The following PHF21A variants were observed in gnomAD, a reference collection of about 807,000 sequenced individuals.
PHF21A encodes the protein PHD finger protein 21A.
A neutral mutation model predicts 82.5 loss-of-function variants in PHF21A; 11 were observed. The ratio of observed to expected loss-of-function variants is 0.13; its 90% CI spans 0.08 to 0.22. The LOEUF (loss-of-function observed/expected upper bound fraction) is 0.22. Among genes scored for constraint, PHF21A ranks in the 10% least tolerant of loss-of-function variants. The pLI, the probability that PHF21A is intolerant of heterozygous loss-of-function variation, is 1.00. For missense variants in PHF21A, 579 were observed against 837.8 expected (o/e 0.69, Z 3.81); for synonymous variants, 297 against 302.8 (o/e 0.98, Z 0.20).
intron 3 of PHF21A, among the ~76,000 whole-genome samples, 171 bp from the exon 4 acceptor site, chr11:46,084,473 C>A (rs1254364089): frequency 6.6e-6 from 1 of 151,904 alleles, no homozygotes; most frequent in Non-Finnish European, 1.5e-5. Context: ...CTCTAAAGAA[C>A]ACTTCAAATA....
At chr11:46,001,463 C>T (rs2095128965) in intron 6 of PHF21A, among the ~76,000 whole-genome samples, 1 of 151,852 alleles carries the variant, frequency 6.6e-6, no homozygotes, top group Non-Finnish European at 1.5e-5. Context: ...AAATAAATAA[C>T]AAGACTAACA....
At chr11:45,954,687 C>T (rs2092493297) in intron 10 of PHF21A, among the ~76,000 whole-genome samples, 2 of 152,066 alleles carry the variant, frequency 1.3e-5, no homozygotes, top group African/African-American at 2.4e-5. Context: ...TGAAGCTCTC[C>T]GTAAATACTG....
At chr11:45,972,872 C>T (rs1410647591) in intron 7 of PHF21A, among the ~76,000 whole-genome samples, 1 of 151,880 alleles carries the variant, frequency 6.6e-6, no homozygotes, top group Non-Finnish European at 1.5e-5. Flanking sequence ...AGAAATTGTG[C>T]CACTGCACTC....
rs1471054426 is a variant in PHF21A, at chr11:46,121,204, G to A, written c.-506C>T. On this transcript the variant is annotated 5_prime_UTR_variant, in exon 1 of 19. Transcript: ENST00000676320. ...TCACTCTCTCTCTCTCTCTCTCTCTGGGCTGTTTCTTTCCTCCTCTTCCCC... is the reference window on the plus strand; with the variant it reads ...TCACTCTCTCTCTCTCTCTCTCTCTAGGCTGTTTCTTTCCTCCTCTTCCCC... 6.5e-5 allele frequency: 2 copies of A among 30,600 alleles called. No individual in the cohort carries two copies. Among genetic ancestry groups the A allele is most frequent in the Admixed American group, 3.3e-4 (1 of 3,006 alleles). The allele number at this position is 30,600 out of a possible 1,614,324, so 1.9% of individuals were successfully genotyped here.
chr11:45,982,203 C>CA (rs1478226134), intron 6 of PHF21A, among the ~76,000 whole-genome samples: 1 of 152,012 alleles, frequency 6.6e-6, no homozygotes, highest in Non-Finnish European at 1.5e-5. Flanking sequence ...GCAATCTGCC[C>CA]ACCTTGGCCT....
At chr11:45,942,376 C>A (rs1253240445) in intron 15 of PHF21A, among the ~76,000 whole-genome samples, 1 of 152,158 alleles carries the variant, frequency 6.6e-6, no homozygotes, top group Non-Finnish European at 1.5e-5. Flanking sequence ...TGCAGAACCA[C>A]AAAATCAACT....
At chr11:45,984,731 C>T (rs933176164) in intron 6 of PHF21A, among the ~76,000 whole-genome samples, 21 of 152,294 alleles carry the variant, frequency 1.4e-4, no homozygotes, top group African/African-American at 4.8e-4. Flanking sequence ...GAAAGCTTCT[C>T]TCAAAAGAAA....
Position 45,979,833 on chromosome 11 carries a change from T to C in PHF21A, c.287A>G (p.Gln96Arg), listed in dbSNP as rs1555040180. Reference sequence around the variant, plus strand: ...GTGGTGGTGGTACTGCTGCTGTTGTTGTAGTTGCTGTAGTGGTTGCTGCTG... The same window carrying C: ...GTGGTGGTGGTACTGCTGCTGTTGTCGTAGTTGCTGTAGTGGTTGCTGCTG... ...TAQQQPLQQL[Q>R]QQQQYHHHHA... is the part of the protein sequence containing the mutation. Residue 96 changes from glutamine (Q) to arginine (R), a missense_variant, in exon 7 of 19, where the codon CAA (glutamine) becomes CGA (arginine). This residue lies in a region of PHF21A where 410 missense variants were observed against 642.1 expected (regional missense o/e 0.64). Transcript: ENST00000676320. The C allele has an allele frequency of 6.2e-7, 1 of 1,614,138 alleles. No individual in the cohort carries two copies. Among genetic ancestry groups the C allele is most frequent in the Non-Finnish European group, 8.5e-7 (1 of 1,180,022 alleles).
chr11:45,944,333 G>A (rs2090941743), intron 15 of PHF21A, among the ~76,000 whole-genome samples: 1 of 152,186 alleles, frequency 6.6e-6, no homozygotes, highest in Non-Finnish European at 1.5e-5. Flanking sequence ...TATGGTAGGT[G>A]AGAAGCATAG....
chr11:46,026,137 C>T (rs2095741024), intron 6 of PHF21A, among the ~76,000 whole-genome samples: 1 of 152,104 alleles, frequency 6.6e-6, no homozygotes, highest in South Asian at 2.1e-4. Context: ...TAAGGTTAAA[C>T]CAAAATACCA....
chr11:46,084,300 C>T lies in PHF21A; in HGVS notation c.-81G>A. 1.0e-6 allele frequency: 1 copy of T among 955,026 alleles called. No homozygotes were observed. The highest frequency in any genetic ancestry group is 1.6e-5 in the South Asian group (1 of 63,288). The allele number at this position is 955,026 out of a possible 1,614,324, so 59.2% of individuals were successfully genotyped here. A position where few individuals can be genotyped will look rare whatever the true frequency, so the allele number is the denominator to read the frequency against. On this transcript the variant is annotated splice_region_variant and 5_prime_UTR_variant, in exon 4 of 19. Coordinates refer to ENST00000676320, the MANE Select transcript of PHF21A (RefSeq NM_001352027.3). ...AAGTAACAAACTCCTCTTCTCACTG[C>T]AGCTGTAAAGATCATAAAATGTTTT...
intron 6 of PHF21A, among the ~76,000 whole-genome samples, chr11:45,989,456 C>T (rs1462703554): frequency 7.4e-6 from 1 of 136,030 alleles, no homozygotes; most frequent in Non-Finnish European, 1.5e-5. Context: ...AGATCAAGAC[C>T]AACCTGGCTA....
At chr11:46,075,123 T>C (rs2096710486) in intron 6 of PHF21A, among the ~76,000 whole-genome samples, 1 of 152,212 alleles carries the variant, frequency 6.6e-6, no homozygotes, top group Non-Finnish European at 1.5e-5. Flanking sequence ...ATGAAATGTC[T>C]TAACATAGAT....
chr11:45,953,283 A>T (rs912801637), intron 11 of PHF21A, among the ~76,000 whole-genome samples: 79 of 152,234 alleles, frequency 5.2e-4, no homozygotes, highest in Non-Finnish European at 1.0e-3. Context: ...ATAACATTTT[A>T]AAAAACTTTT....
chr11:46,108,757 G>A (rs923855617), intron 1 of PHF21A, among the ~76,000 whole-genome samples: 1 of 152,002 alleles, frequency 6.6e-6, no homozygotes, highest in Non-Finnish European at 1.5e-5. Context: ...AACGTTGATC[G>A]TTATATAAGG....
At chr11:45,976,536 T>C (rs913083400) in intron 7 of PHF21A, among the ~76,000 whole-genome samples, 3 of 152,184 alleles carry the variant, frequency 2.0e-5, no homozygotes, top group East Asian at 1.9e-4. Flanking sequence ...CATAGATTGG[T>C]AGTACCAATA....
At chr11:45,953,402 T>C (rs1362270848) in intron 11 of PHF21A, 125 bp downstream of exon 11, 1 of 680,244 alleles carries the variant, frequency 1.5e-6, no homozygotes, top group Non-Finnish European at 2.7e-6. Context: ...TGCTGAATAA[T>C]AAAAGTGCAT....
Position 45,934,149 on chromosome 11 carries a change from A to T in PHF21A, c.1865T>A (p.Leu622Gln). ...GTCGATGCCGTGGATGAGGCGAATC[A>T]GCTGTTTTACCTTCTCCAGGGAGCT... ...MHSSLEKVKQ[L>Q]IRLIHGIDLS... The change falls in exon 19 of 19, where the codon CTG becomes CAG. Residue 622 changes from leucine (L) to glutamine (Q), a missense_variant. Physicochemically the swap from Leu to Gln is moderately radical, Grantham distance 113. Coordinates refer to ENST00000676320, the MANE Select transcript of PHF21A (RefSeq NM_001352027.3). 1 of 1,614,186 alleles carries T rather than the reference A, an allele frequency of 6.2e-7. No individual in the cohort carries two copies. Among genetic ancestry groups the T allele is most frequent in the Non-Finnish European group, 8.5e-7 (1 of 1,180,028 alleles).
chr11:46,032,703 T>A (rs1468068563), intron 6 of PHF21A, among the ~76,000 whole-genome samples: 1 of 152,162 alleles, frequency 6.6e-6, no homozygotes, highest in Non-Finnish European at 1.5e-5. Context: ...TGTTTGTCTA[T>A]CTCTTACAAG....
Sources: allele counts gnomAD v4.1 joint callset (sites outside exome capture counted in the v4.1 genomes callset), GRCh38; gene constraint gnomAD v4.1.1; regional missense constraint gnomAD v4.1.1; transcripts MANE v1.5; gene names NCBI Gene and HGNC (gene_info 2026-07-23, HGNC 2026-07-21).